UBE2E2: variants seen among roughly 807,000 people sequenced by gnomAD.
UBE2E2 encodes the protein ubiquitin-conjugating enzyme E2 E2.
A neutral mutation model predicts 24.7 loss-of-function variants in UBE2E2; 6 were observed. The observed-to-expected ratio is 0.24, with a 90% CI of 0.13 to 0.48. The LOEUF (loss-of-function observed/expected upper bound fraction) is 0.48. Among genes scored for constraint, UBE2E2 ranks in the 20% least tolerant of loss-of-function variants. The pLI, the probability that UBE2E2 is intolerant of heterozygous loss-of-function variation, is 0.99. For missense variants in UBE2E2, 169 were observed against 245.0 expected (o/e 0.69, Z 2.07); for synonymous variants, 104 against 83.6 (o/e 1.24, Z -1.33).
chr3:23,385,821 G>A (rs1185514849), intron 3 of UBE2E2, among the ~76,000 whole-genome samples: 1 of 150,746 alleles, frequency 6.6e-6, no homozygotes, highest in Non-Finnish European at 1.5e-5. Flanking sequence ...TATGCTGGAT[G>A]AATAGGAAGT....
intron 4 of UBE2E2, among the ~76,000 whole-genome samples, chr3:23,524,983 C>G (rs1211178980): frequency 6.6e-6 from 1 of 151,950 alleles, no homozygotes; most frequent in Non-Finnish European, 1.5e-5. Flanking sequence ...CTTATAGTTC[C>G]GTGGGTCAGA....
At chr3:23,242,610 C>G (rs1348894423) in intron 3 of UBE2E2, among the ~76,000 whole-genome samples, 1 of 151,934 alleles carries the variant, frequency 6.6e-6, no homozygotes, top group Non-Finnish European at 1.5e-5. Context: ...GTATGGAGCA[C>G]TTTGCAGATG....
chr3:23,393,067 C>A (rs1055391377), intron 3 of UBE2E2, among the ~76,000 whole-genome samples: 1 of 152,172 alleles, frequency 6.6e-6, no homozygotes, highest in Non-Finnish European at 1.5e-5. Context: ...GTGACACAAT[C>A]AGATTCTCAT....
intron 3 of UBE2E2, among the ~76,000 whole-genome samples, chr3:23,402,123 G>A (rs1001709343): frequency 6.6e-6 from 1 of 152,000 alleles, no homozygotes; most frequent in Non-Finnish European, 1.5e-5. Context: ...CAAAGTGCTG[G>A]GATTACAGGC....
chr3:23,364,788 A>G (rs747047958), intron 3 of UBE2E2, among the ~76,000 whole-genome samples: 1 of 152,140 alleles, frequency 6.6e-6, no homozygotes, highest in Non-Finnish European at 1.5e-5. Flanking sequence ...TAGCATCATT[A>G]TGATACCAAA....
chr3:23,509,813 T>C (rs1318320559), intron 4 of UBE2E2, among the ~76,000 whole-genome samples: 14 of 145,170 alleles, frequency 9.6e-5, no homozygotes, highest in Non-Finnish European at 1.9e-4. Context: ...CACCTATGAG[T>C]GAGAACATGC....
At chr3:23,425,810 T>C (rs895215936) in intron 3 of UBE2E2, among the ~76,000 whole-genome samples, 5 of 152,062 alleles carry the variant, frequency 3.3e-5, no homozygotes, top group African/African-American at 9.7e-5. Flanking sequence ...TTTCTGCAGT[T>C]CCTTTTACCC....
chr3:23,505,078 GTTT>G (rs57451477), intron 4 of UBE2E2, among the ~76,000 whole-genome samples: 1 of 139,568 alleles, frequency 7.2e-6, no homozygotes, highest in African/African-American at 2.7e-5. Flanking sequence ...GCTAATTTTT[GTTT>G]TTTTTTTTGT....
At chr3:23,288,499 G>A (rs1428054347) in intron 3 of UBE2E2, among the ~76,000 whole-genome samples, 1 of 152,180 alleles carries the variant, frequency 6.6e-6, no homozygotes, top group Admixed American at 6.5e-5. Flanking sequence ...TCTGTCCAGT[G>A]CTGAAACTGG....
At chr3:23,220,219 A>G (rs1475920788) in intron 3 of UBE2E2, among the ~76,000 whole-genome samples, 1 of 152,220 alleles carries the variant, frequency 6.6e-6, no homozygotes, top group African/African-American at 2.4e-5. Flanking sequence ...ATTATTTTAA[A>G]GAACACCTAC....
chr3:23,250,398 C>G (rs1382529339), intron 3 of UBE2E2, among the ~76,000 whole-genome samples: 1 of 152,094 alleles, frequency 6.6e-6, no homozygotes, highest in Non-Finnish European at 1.5e-5. Flanking sequence ...TAAAATTTTT[C>G]TGAATTTGTA....
intron 3 of UBE2E2, among the ~76,000 whole-genome samples, chr3:23,315,515 C>G (rs941607817): frequency 6.6e-6 from 1 of 151,956 alleles, no homozygotes; most frequent in Non-Finnish European, 1.5e-5. Context: ...ATTCTGAATT[C>G]CTTCTGTATT....
At chr3:23,568,082 C>A (rs1302389591) in intron 5 of UBE2E2, among the ~76,000 whole-genome samples, 10 of 152,334 alleles carry the variant, frequency 6.6e-5, no homozygotes, top group Admixed American at 3.9e-4. Context: ...TCACCAGACT[C>A]CCTTGACCAC....
chr3:23,335,826 G>A (rs1007406838), intron 3 of UBE2E2, among the ~76,000 whole-genome samples: 7 of 152,196 alleles, frequency 4.6e-5, no homozygotes, highest in East Asian at 1.9e-4. Context: ...GAGCCACCAC[G>A]TCCAGCCTTA....
At chr3:23,443,757 C>T (rs956404891) in intron 3 of UBE2E2, among the ~76,000 whole-genome samples, 16 of 152,116 alleles carry the variant, frequency 1.1e-4, no homozygotes, top group Admixed American at 1.0e-3. Context: ...ATAAAAGATG[C>T]CCAGTATAAT....
intron 5 of UBE2E2, among the ~76,000 whole-genome samples, chr3:23,533,899 G>A (rs892898298): frequency 3.3e-5 from 5 of 152,094 alleles, no homozygotes; most frequent in Non-Finnish European, 4.4e-5. Flanking sequence ...GGGATTACAG[G>A]CATGAGCCAC....
At chr3:23,375,144 T>C (rs1696489775) in intron 3 of UBE2E2, among the ~76,000 whole-genome samples, 2 of 152,172 alleles carry the variant, frequency 1.3e-5, no homozygotes, top group Admixed American at 6.6e-5. Flanking sequence ...CCCATTGATA[T>C]GTACTAGAGA....
intron 2 of UBE2E2, among the ~76,000 whole-genome samples, chr3:23,210,932 A>G (rs1240233300): frequency 1.3e-5 from 2 of 152,134 alleles, no homozygotes; most frequent in Admixed American, 1.3e-4. Context: ...TTCACTACTA[A>G]TTTTTTAATT....
In UBE2E2 at chr3:23,246,346, G is replaced by A. The variant is rs924355639; in HGVS notation, c.227+29034G>A. On this transcript the variant is annotated intron_variant, in intron 3 of 5. Coordinates refer to ENST00000396703, the MANE Select transcript of UBE2E2 (RefSeq NM_152653.4). ...CGCCATTGACCTGCCTCAGCCTCCT[G>A]AGTAGCTGGGACTACAGGCGCCCGC... Among the ~76,000 whole-genome samples, 403 of 146,274 alleles carry A rather than the reference G, an allele frequency of 2.8e-3. 2 individuals are homozygous for A. The highest frequency in any genetic ancestry group is 1.0e-2 in the African/African-American group (391 of 39,172).
Sources: allele counts gnomAD v4.1 joint callset (sites outside exome capture counted in the v4.1 genomes callset), GRCh38; gene constraint gnomAD v4.1.1; transcripts MANE v1.5; gene names NCBI Gene and HGNC (gene_info 2026-07-23, HGNC 2026-07-21).